The following PTPRN2 variants were observed in gnomAD, a reference collection of about 807,000 sequenced individuals.
PTPRN2 encodes protein tyrosine phosphatase receptor type N2.
A neutral mutation model predicts 118.8 loss-of-function variants in PTPRN2; 74 were observed. The ratio of observed to expected loss-of-function variants is 0.62; its 90% CI spans 0.52 to 0.76. The LOEUF is 0.76. Ranked by LOEUF, PTPRN2 falls within the 30% of genes least tolerant of loss-of-function variation. The pLI, the probability that PTPRN2 is intolerant of heterozygous loss-of-function variation, is 0.00. For missense variants in PTPRN2, 1,481 were observed against 1,394.4 expected, an observed-to-expected ratio of 1.06 and a Z score of -0.99; for synonymous variants, 641 against 608.0, an observed-to-expected ratio of 1.05 and a Z score of -0.80.
rs1202959531 is a variant in PTPRN2 at position 158,105,894 on chromosome 7, C to A, written c.1643+4935G>T. On this transcript the variant is annotated intron_variant, in intron 10 of 22. Coordinates refer to ENST00000389418, the MANE Select transcript of PTPRN2 (RefSeq NM_002847.5). ...ATCCCATCTCCATACTACTCTATACCCGGCTCCATCACTACTCCATCTCAT... is the reference window on the plus strand; with the variant it reads ...ATCCCATCTCCATACTACTCTATACACGGCTCCATCACTACTCCATCTCAT... Among the ~76,000 whole-genome samples, 3 of 151,920 alleles carry A rather than the reference C, an allele frequency of 2.0e-5. No homozygotes were observed. In the East Asian group the frequency reaches 5.8e-4, roughly 29 times the overall value.
rs567993467 is a variant in PTPRN2, at chr7:157,613,571, G to T, written c.2344+7791C>A. ...GGCAGGGCGGGCTCCTCGCTGAGCC[G>T]CAGGGCGAGCCCGGCTTGGGCCTCT... On this transcript the variant is annotated intron_variant, in intron 15 of 22. Coordinates refer to ENST00000389418, the MANE Select transcript of PTPRN2 (RefSeq NM_002847.5). Among the ~76,000 whole-genome samples, 23 of 152,330 alleles carry T rather than the reference G, an allele frequency of 1.5e-4. No individual in the cohort carries two copies. The South Asian group carries it at 4.8e-3, about 32-fold the overall frequency.
At chr7:157,680,130 C>T (rs753613147) in intron 13 of PTPRN2, among the ~76,000 whole-genome samples, 4 of 152,200 alleles carry the variant, frequency 2.6e-5, no homozygotes, top group Non-Finnish European at 5.9e-5. Flanking sequence ...CTACCTTGCA[C>T]AATAATCTTT....
chr7:157,718,451 A>C (rs1180349326), intron 12 of PTPRN2, among the ~76,000 whole-genome samples: 1 of 152,166 alleles, frequency 6.6e-6, no homozygotes, highest in Non-Finnish European at 1.5e-5. Flanking sequence ...GCGTGTTTGG[A>C]GAGCGCCTTC....
chr7:157,883,239 T>C (rs1389793346), intron 12 of PTPRN2, among the ~76,000 whole-genome samples: 1 of 147,370 alleles, frequency 6.8e-6, no homozygotes, highest in Admixed American at 6.7e-5. Context: ...CAAAAATGAC[T>C]GTCAGAGACC....
chr7:158,558,849 A>G (rs569776193), intron 1 of PTPRN2, among the ~76,000 whole-genome samples: 1 of 151,422 alleles, frequency 6.6e-6, no homozygotes, highest in South Asian at 2.1e-4. Flanking sequence ...CTCAGACTGC[A>G]CACCAAGAGA....
intron 12 of PTPRN2, among the ~76,000 whole-genome samples, chr7:157,718,206 T>A (rs562875464): frequency 1.3e-5 from 2 of 152,254 alleles, no homozygotes; most frequent in Non-Finnish European, 2.9e-5. Flanking sequence ...ACAATTTGAA[T>A]GAACGTGGCA....
At chr7:158,489,684 C>T (rs753826738) in intron 2 of PTPRN2, 51 bp downstream of exon 2, 8 of 1,524,366 alleles carry the variant, frequency 5.2e-6, no homozygotes, top group South Asian at 1.2e-5. Context: ...CTGCGCACGG[C>T]GGGCAGGAGA....
intron 11 of PTPRN2, among the ~76,000 whole-genome samples, chr7:157,938,197 T>C (rs1418171320): frequency 1.3e-5 from 2 of 152,248 alleles, no homozygotes; most frequent in Non-Finnish European, 2.9e-5. Flanking sequence ...TATGAAAGGT[T>C]TCCTTTGCTT....
At chr7:158,362,230 G>A (rs1393791890) in intron 2 of PTPRN2, among the ~76,000 whole-genome samples, 1 of 152,214 alleles carries the variant, frequency 6.6e-6, no homozygotes, top group African/African-American at 2.4e-5. Flanking sequence ...AGGCAGAAGA[G>A]GCCGCCCCTG....
intron 2 of PTPRN2, among the ~76,000 whole-genome samples, chr7:158,418,644 G>A (rs1814990966): frequency 6.7e-6 from 1 of 149,684 alleles, no homozygotes; most frequent in African/African-American, 2.5e-5. Context: ...ACTACATCAA[G>A]ATGCTGTAGC....
At chr7:158,118,250 A>G (rs1400709210) in intron 9 of PTPRN2, among the ~76,000 whole-genome samples, 3 of 152,200 alleles carry the variant, frequency 2.0e-5, no homozygotes, top group African/African-American at 7.2e-5. Context: ...TTGTGATATC[A>G]ATAGCCAAAA....
intron 2 of PTPRN2, among the ~76,000 whole-genome samples, chr7:158,434,316 G>T (rs113982584): frequency 1.2e-4 from 19 of 152,072 alleles, no homozygotes; most frequent in African/African-American, 4.1e-4. Flanking sequence ...TATTCTCTCC[G>T]GTAATTATCT....
intron 12 of PTPRN2, among the ~76,000 whole-genome samples, chr7:157,895,712 G>T (rs1797071686): frequency 6.6e-6 from 1 of 152,080 alleles, no homozygotes; most frequent in Non-Finnish European, 1.5e-5. Flanking sequence ...GCGACAGAGG[G>T]TGCTGAGACA....
Position 157,550,990 on chromosome 7 carries a change from A to G in PTPRN2, c.2903-1971T>C, listed in dbSNP as rs1015293328. 6.6e-6 allele frequency among the ~76,000 whole-genome samples: 1 copy of G among 151,856 alleles called. No individual in the cohort carries two copies. The highest frequency in any genetic ancestry group is 2.4e-5 in the African/African-American group (1 of 41,290). On this transcript the variant is annotated intron_variant, in intron 21 of 22. Transcript: ENST00000389418. This position sits in a 1 kb window ranked among gnomAD's most constrained non-coding sequence, Gnocchi z 5.2. ...AGAGAGGAAGGGAGGAAGCCAAAGG[A>G]CCCCTCCTGCGGCCATGACTGTGGC...
At chr7:158,172,982 C>G (rs1022140915) in intron 5 of PTPRN2, among the ~76,000 whole-genome samples, 1 of 150,200 alleles carries the variant, frequency 6.7e-6, no homozygotes, top group Non-Finnish European at 1.5e-5. Context: ...ATCACCCCAT[C>G]ATCGACAGCA....
At chr7:158,370,738 C>A (rs148958082) in intron 2 of PTPRN2, among the ~76,000 whole-genome samples, 1 of 151,886 alleles carries the variant, frequency 6.6e-6, no homozygotes, top group Non-Finnish European at 1.5e-5. Context: ...GGTGACAGAG[C>A]GAGACTCCTG....
chr7:158,123,567 G>A (rs1050962065), intron 9 of PTPRN2, among the ~76,000 whole-genome samples: 11 of 152,178 alleles, frequency 7.2e-5, no homozygotes, highest in Admixed American at 5.2e-4. Flanking sequence ...CCCGGAGCTC[G>A]TGTGCCGCAC....
intron 7 of PTPRN2, 81 bp from the exon 8 acceptor site, chr7:158,136,776 G>C: frequency 7.5e-7 from 1 of 1,333,520 alleles, no homozygotes; most frequent in Admixed American, 1.7e-5. Context: ...GGGTGACCCT[G>C]CAGACCCCTC....
chr7:157,651,417 C>T (rs888926237), intron 14 of PTPRN2, among the ~76,000 whole-genome samples: 6 of 152,190 alleles, frequency 3.9e-5, no homozygotes, highest in African/African-American at 1.4e-4. Flanking sequence ...TTACTCAGCA[C>T]GGCTTTCCCA....
Sources: allele counts gnomAD v4.1 joint callset (sites outside exome capture counted in the v4.1 genomes callset), GRCh38; gene constraint gnomAD v4.1.1; non-coding constraint Gnocchi (gnomAD v3.1); transcripts MANE v1.5; gene names NCBI Gene and HGNC (gene_info 2026-07-23, HGNC 2026-07-21).